The following PABPN1 variants were observed in gnomAD, a reference collection of about 807,000 sequenced individuals.
PABPN1 encodes poly(A) binding protein nuclear 1.
A neutral mutation model predicts 33.4 loss-of-function variants in PABPN1; 5 were observed. The ratio of observed to expected loss-of-function variants is 0.15; its 90% confidence interval spans 0.08 to 0.32. The LOEUF (loss-of-function observed/expected upper bound fraction) is 0.32. Ranked by LOEUF, PABPN1 falls within the 10% of genes least tolerant of loss-of-function variation. The pLI is 1.00. For missense variants in PABPN1, 312 were observed against 425.8 expected, an observed-to-expected ratio of 0.73 and a Z score of 2.35; for synonymous variants, 176 against 170.6, an observed-to-expected ratio of 1.03 and a Z score of -0.25.
intron 2 of PABPN1, 79 bp from the exon 3 acceptor site, chr14:23,322,920 C>G: frequency 6.3e-7 from 1 of 1,591,360 alleles, no homozygotes; most frequent in Non-Finnish European, 8.6e-7. Flanking sequence ...TGGGATAGTG[C>G]TGGTGGTGGA....
chr14:23,323,326 T>C, intron 3 of PABPN1, 51 bp from the exon 4 acceptor site: 1 of 1,589,666 alleles, frequency 6.3e-7, no homozygotes, highest in Non-Finnish European at 8.6e-7. Context: ...GAGGGTTCCT[T>C]TTGAGACAGG....
rs1369810405 is a variant in PABPN1, at chr14:23,321,727, T to C, written c.258T>C (p.Pro86=). 9.1e-6 allele frequency: 14 copies of C among 1,541,802 alleles called. No individual in the cohort carries two copies. The highest frequency in any genetic ancestry group is 8.7e-6 in the Non-Finnish European group (10 of 1,143,728). Residue 86 remains proline, a synonymous_variant, in exon 1 of 7, where the codon CCT becomes CCC. Transcript: ENST00000216727. Reference sequence around the variant, plus strand: ...GCGCCCCCCCGGGAGCTCCGGGCCCTGGGCCTGGTTCGGGAGCCCCCGGCA... The same window carrying C: ...GCGCCCCCCCGGGAGCTCCGGGCCCCGGGCCTGGTTCGGGAGCCCCCGGCA... The part of the protein sequence containing the change: ...RPRAPPGAPG[P]GPGSGAPGSQ...
At position 23,325,543 on chromosome 14, in the gene PABPN1, T is replaced by C. The variant is rs1888688129; in HGVS notation, c.*257T>C. On this transcript the variant is annotated 3_prime_UTR_variant, in exon 7 of 7. Coordinates refer to ENST00000216727, the MANE Select transcript of PABPN1 (RefSeq NM_004643.4). Reference sequence around the variant, plus strand: ...ACTCTGGGGATTCGCCATGGACACGTCTCAACTGCGCAAGCTGCTGCCCAT... The same window carrying C: ...ACTCTGGGGATTCGCCATGGACACGCCTCAACTGCGCAAGCTGCTGCCCAT... The C allele has an allele frequency of 5.9e-6, 3 of 505,190 alleles. No individual in the cohort carries two copies. The highest frequency in any genetic ancestry group is 1.0e-5 in the Non-Finnish European group (3 of 286,116). The allele number at this position is 505,190 out of a possible 1,614,324, so 31.3% of individuals were successfully genotyped here. A position where few individuals can be genotyped will look rare whatever the true frequency, so the allele number is the denominator to read the frequency against.
In PABPN1 at chr14:23,321,779, C is replaced by T; in HGVS notation, c.310C>T (p.Leu104=). The change falls in exon 1 of 7, where the codon CTG becomes TTG. Residue 104 remains leucine, a synonymous_variant. Transcript: ENST00000216727. ...CCAAGAGGAGGAGGAGGAGCCGGGA[C>T]TGGTCGAGGGTGACCCGGGGGACGG... is the stretch of plus-strand genomic sequence containing the variant. ...GSQEEEEEPG[L]VEGDPGDGAI... is the part of the protein sequence containing the mutation. 1 of 1,529,982 alleles carries T rather than the reference C, an allele frequency of 6.5e-7. No homozygotes were observed. Among genetic ancestry groups the T allele is most frequent in the African/African-American group, 1.4e-5 (1 of 71,620 alleles). 94.8% of individuals were successfully genotyped at this position (1,529,982 alleles called of 1,614,324 possible). A position where few individuals can be genotyped will look rare whatever the true frequency, so the allele number is the denominator to read the frequency against.
Position 23,321,792 on chromosome 14 carries a change from A to G in PABPN1, c.323A>G (p.Asp108Gly). The change falls in exon 1 of 7, where the codon GAC becomes GGC. Residue 108 changes from aspartate (D) to glycine (G), a missense_variant. Transcript: ENST00000216727. ...GAGGAGCCGGGACTGGTCGAGGGTGACCCGGGGGACGGCGCCATTGAGGAC... is the reference window on the plus strand; with the variant it reads ...GAGGAGCCGGGACTGGTCGAGGGTGGCCCGGGGGACGGCGCCATTGAGGAC... ...EEEEPGLVEG[D>G]PGDGAIEDPE... 1 of 1,502,604 alleles carries G rather than the reference A, an allele frequency of 6.7e-7. No individual in the cohort carries two copies. The highest frequency in any genetic ancestry group is 8.9e-7 in the Non-Finnish European group (1 of 1,126,630). 93.1% of individuals were successfully genotyped at this position (1,502,604 alleles called of 1,614,324 possible). A position where few individuals can be genotyped will look rare whatever the true frequency, so the allele number is the denominator to read the frequency against.
Position 23,322,198 on chromosome 14 carries a change from A to G in PABPN1, c.369A>G (p.Lys123=), listed in dbSNP as rs763975082. ...TATATTAGGAGCTGGAAGCTATCAA[A>G]GCTCGAGTCAGGGAGATGGAGGAAG... ...AIEDPELEAI[K]ARVREMEEEA... The change falls in exon 2 of 7, where the codon AAA becomes AAG. Residue 123 remains lysine (K), a synonymous_variant. Coordinates refer to ENST00000216727, the MANE Select transcript of PABPN1 (RefSeq NM_004643.4). 6.2e-7 allele frequency: 1 copy of G among 1,609,254 alleles called. No homozygotes were observed. The highest frequency in any genetic ancestry group is 8.5e-7 in the Non-Finnish European group (1 of 1,177,778).
Position 23,325,311 on chromosome 14 carries a change from A to G in PABPN1, c.*25A>G. On this transcript the variant is annotated 3_prime_UTR_variant, in exon 7 of 7. Transcript: ENST00000216727. The stretch of plus-strand genomic sequence containing the variant: ...AAAAAAGTGTGTATTAGGAGGAGAG[A>G]GAGGAAAAAAAGAGGAAAGAAGGAA... 6.3e-7 allele frequency: 1 copy of G among 1,575,086 alleles called. No individual in the cohort carries two copies. The highest frequency in any genetic ancestry group is 8.6e-7 in the Non-Finnish European group (1 of 1,158,178).
chr14:23,324,351 T>A (rs1346123870), intron 6 of PABPN1, 62 bp downstream of exon 6: 2 of 1,595,162 alleles, frequency 1.3e-6, no homozygotes, highest in Admixed American at 3.3e-5. Flanking sequence ...TGCTTCCTCC[T>A]CTCTGGTCTG....
chr14:23,325,002 G>A (rs1228291959), intron 6 of PABPN1: 3 of 479,424 alleles, frequency 6.3e-6, no homozygotes, highest in South Asian at 3.7e-5. Flanking sequence ...CCTTGCCCCT[G>A]TCTCTCACTC....
Position 23,326,096 on chromosome 14 carries a change from C to T in PABPN1, c.*810C>T, listed in dbSNP as rs1365408245. The T allele has an allele frequency of 6.7e-6, 1 of 150,334 alleles. No homozygotes were observed. The highest frequency in any genetic ancestry group is 1.5e-5 in the Non-Finnish European group (1 of 67,672). 9.3% of individuals were successfully genotyped at this position (150,334 alleles called of 1,614,324 possible). A position where few individuals can be genotyped will look rare whatever the true frequency, so the allele number is the denominator to read the frequency against. On this transcript the variant is annotated 3_prime_UTR_variant, in exon 7 of 7. Coordinates refer to ENST00000216727, the MANE Select transcript of PABPN1 (RefSeq NM_004643.4). Reference sequence around the variant, plus strand: ...AGGTGGATTTTGTTTATTTTTTTAGCTCATTTCCAGGGGTGGGAATTTTTT... The same window carrying T: ...AGGTGGATTTTGTTTATTTTTTTAGTTCATTTCCAGGGGTGGGAATTTTTT...
chr14:23,321,860 C>A, intron 1 of PABPN1, 40 bp downstream of exon 1: 2 of 1,279,870 alleles, frequency 1.6e-6, no homozygotes, highest in Non-Finnish European at 2.0e-6. Context: ...GGCGGCTGGC[C>A]GGCCGGGTCA....
rs1002922017 is a variant in PABPN1 at position 23,324,144 on chromosome 14, C to G, written c.736C>G (p.Pro246Ala). The G allele has an allele frequency of 3.1e-6, 5 of 1,614,018 alleles. No individual in the cohort carries two copies. The highest frequency in any genetic ancestry group is 4.2e-6 in the Non-Finnish European group (5 of 1,180,030). The part of the protein sequence containing the change: ...LFRGRQIKVI[P>A]KRTNRPGIST... ...TTGTTCATCTCTGACTCAGGTGATC[C>G]CAAAACGAACCAACAGACCAGGCAT... Residue 246 changes from proline (P) to alanine (A), a missense_variant, in exon 6 of 7, where the codon CCA (proline) becomes GCA (alanine). Around this residue, in one of 3 missense-constraint regions of PABPN1, gnomAD observed 77 missense variants for 185.7 expected, o/e 0.41. Transcript: ENST00000216727.
intron 2 of PABPN1, chr14:23,322,782 T>C (rs1888416103): frequency 3.3e-6 from 2 of 605,682 alleles, no homozygotes; most frequent in African/African-American, 3.7e-5. Context: ...TATACTGTTT[T>C]AAGTGTGTAT....
In PABPN1 at chr14:23,321,837, G is replaced by T; in HGVS notation, c.351+17G>T. ...GAGGACCCGGTGAGGGAAGGAGGGCGAGCGAGCAGGCCGGCGGCTGGCCGG... is the reference window on the plus strand; with the variant it reads ...GAGGACCCGGTGAGGGAAGGAGGGCTAGCGAGCAGGCCGGCGGCTGGCCGG... On this transcript the variant is annotated intron_variant, in intron 1 of 6. Coordinates refer to ENST00000216727, the MANE Select transcript of PABPN1 (RefSeq NM_004643.4). The T allele has an allele frequency of 6.9e-7, 1 of 1,452,736 alleles. No individual in the cohort carries two copies. The highest frequency in any genetic ancestry group is 2.5e-5 in the East Asian group (1 of 39,370). 90.0% of individuals were successfully genotyped at this position (1,452,736 alleles called of 1,614,324 possible).
In PABPN1 at chr14:23,323,003, C is replaced by T. The variant is rs1594989336; in HGVS notation, c.471C>T (p.Gly157=). The part of the protein sequence containing the change: ...MNMSPPPGNA[G]PVIMSIEEKM... ...AAAATTATTTTTTCCTGATAGCTGG[C>T]CCGGTGATCATGTCCATTGAGGAGA... is the stretch of plus-strand genomic sequence containing the variant. Residue 157 remains glycine (G), a synonymous_variant, in exon 3 of 7, where the codon GGC becomes GGT. Coordinates refer to ENST00000216727, the MANE Select transcript of PABPN1 (RefSeq NM_004643.4). 6.2e-7 allele frequency: 1 copy of T among 1,614,130 alleles called. No homozygotes were observed. The highest frequency in any genetic ancestry group is 1.3e-5 in the African/African-American group (1 of 75,018).
chr14:23,322,942 T>C (rs1888430020), intron 2 of PABPN1, 57 bp from the exon 3 acceptor site: 5 of 1,611,350 alleles, frequency 3.1e-6, no homozygotes, highest in African/African-American at 1.3e-5. Flanking sequence ...GTGCAACATA[T>C]TGGTCAAGTA....
Position 23,325,305 on chromosome 14 carries a change from GGAGA to G in PABPN1, c.*25_*28del, listed in dbSNP as rs754022244. 3.1e-6 allele frequency: 5 copies of G among 1,587,396 alleles called. No individual in the cohort carries two copies. In the South Asian group the frequency reaches 5.9e-5, roughly 19 times the overall value. On this transcript the variant is annotated 3_prime_UTR_variant, in exon 7 of 7. Transcript: ENST00000216727. ...TTACTAAAAAAAGTGTGTATTAGGA[GGAGA>G]GAGAGGAAAAAAAGAGGAAAGAAGG... is the stretch of plus-strand genomic sequence containing the variant.
intron 3 of PABPN1, 36 bp downstream of exon 3, chr14:23,323,102 G>A: frequency 6.2e-7 from 1 of 1,613,184 alleles, no homozygotes; most frequent in Non-Finnish European, 8.5e-7. Flanking sequence ...TTGGGGGCAA[G>A]TTCTTCTTTT....
intron 2 of PABPN1, chr14:23,322,774 T>C (rs1888415154): frequency 1.7e-6 from 1 of 583,384 alleles, no homozygotes; most frequent in East Asian, 3.0e-5. Flanking sequence ...GGGATTCCTA[T>C]ACTGTTTTAA....
Sources: gnomAD v4.1 joint callset for allele counts on GRCh38, gnomAD v4.1.1 for gene constraint, gnomAD v4.1.1 regional missense constraint, MANE v1.5 for transcripts, NCBI Gene and HGNC (gene_info 2026-07-23, HGNC 2026-07-21) for gene names.